The following FOXP2 variants were observed in gnomAD, a reference collection of about 807,000 sequenced individuals.
FOXP2 encodes the protein forkhead box protein P2.
Under a neutral mutation model 115.8 loss-of-function variants are expected in FOXP2, and 12 were observed. The ratio of observed to expected loss-of-function variants is 0.10; its 90% CI spans 0.07 to 0.17. The LOEUF (loss-of-function observed/expected upper bound fraction) is 0.17, where lower values mean the gene tolerates loss of function less well. Ranked by LOEUF, FOXP2 falls within the 10% of genes least tolerant of loss-of-function variation. The pLI is 1.00. For missense variants in FOXP2, 629 were observed against 843.5 expected, an observed-to-expected ratio of 0.75 and a Z score of 3.15; for synonymous variants, 328 against 297.7, an observed-to-expected ratio of 1.10 and a Z score of -1.05.
chr7:114,203,873 A>G (rs2129160166), intron 1 of FOXP2, among the ~76,000 whole-genome samples: 1 of 152,282 alleles, frequency 6.6e-6, no homozygotes, highest in Admixed American at 6.5e-5. Context: ...CCATAAATAG[A>G]AAAACTACAT....
intron 1 of FOXP2, among the ~76,000 whole-genome samples, chr7:114,092,710 T>A (rs146104693): frequency 1.7e-3 from 254 of 152,146 alleles, no homozygotes; most frequent in African/African-American, 5.6e-3. Flanking sequence ...CTCATTTTTT[T>A]TTAAAAAAAG....
At chr7:114,520,631 T>G (rs1478047019) in intron 2 of FOXP2, among the ~76,000 whole-genome samples, 1 of 151,996 alleles carries the variant, frequency 6.6e-6, no homozygotes, top group Non-Finnish European at 1.5e-5. Context: ...TAATTCTAAG[T>G]GAAAATACAA....
chr7:114,260,179 C>T (rs1795713773), intron 1 of FOXP2, among the ~76,000 whole-genome samples: 1 of 150,820 alleles, frequency 6.6e-6, no homozygotes, highest in Non-Finnish European at 1.5e-5. Context: ...ATGTGAGCCA[C>T]TGCGCCCAGC....
chr7:114,467,817 T>A (rs1239212071), intron 2 of FOXP2, among the ~76,000 whole-genome samples: 1 of 152,200 alleles, frequency 6.6e-6, no homozygotes. Context: ...GTAGAAAGCA[T>A]TGACATTTGG....
At chr7:114,494,324 G>C (rs991870456) in intron 2 of FOXP2, among the ~76,000 whole-genome samples, 4 of 152,126 alleles carry the variant, frequency 2.6e-5, no homozygotes, top group African/African-American at 9.7e-5. Context: ...CTATGATACT[G>C]TTGAACCAGT....
intron 2 of FOXP2, among the ~76,000 whole-genome samples, chr7:114,330,500 GTA>G (rs1157497390): frequency 2.3e-4 from 34 of 146,930 alleles, no homozygotes; most frequent in Admixed American, 1.2e-3. Context: ...ATATATATGT[GTA>G]TATATATATA....
At chr7:114,278,379 G>A (rs977831167) in intron 1 of FOXP2, among the ~76,000 whole-genome samples, 1 of 149,518 alleles carries the variant, frequency 6.7e-6, no homozygotes, top group African/African-American at 2.5e-5. Context: ...TTTTTGAGAT[G>A]GAGTCTCACT....
At chr7:114,226,865 G>T (rs908658072) in intron 1 of FOXP2, among the ~76,000 whole-genome samples, 5 of 151,854 alleles carry the variant, frequency 3.3e-5, no homozygotes, top group African/African-American at 1.2e-4. Context: ...ATTTTTGCTT[G>T]ACTCAACCAA....
intron 1 of FOXP2, among the ~76,000 whole-genome samples, chr7:114,203,094 C>T (rs1005641175): frequency 6.6e-6 from 1 of 152,236 alleles, no homozygotes; most frequent in Middle Eastern, 3.2e-3. Context: ...CATCCAGATC[C>T]TCTTTCCTCT....
chr7:114,087,114 C>A (rs1053558413), upstream of FOXP2, among the ~76,000 whole-genome samples: 6 of 152,052 alleles, frequency 3.9e-5, no homozygotes, highest in African/African-American at 1.4e-4. Flanking sequence ...GTTAGAAGCA[C>A]ACACTTTATT....
In FOXP2 at chr7:114,583,103, C is replaced by T. The variant is rs960258682; in HGVS notation, c.259-45437C>T. On this transcript the variant is annotated intron_variant, in intron 3 of 16. Coordinates refer to ENST00000350908, the MANE Select transcript of FOXP2 (RefSeq NM_014491.4). ...GTTGAAAAACTTTGCTTTGCCCAGG[C>T]GTGGTGGCTCACACCTGTAATCCCA... 3.9e-5 allele frequency among the ~76,000 whole-genome samples: 6 copies of T among 152,142 alleles called. 1 individual carries two copies. The highest frequency in any genetic ancestry group is 2.0e-4 in the Admixed American group (3 of 15,276).
At chr7:114,477,748 C>T (rs1324206518) in intron 2 of FOXP2, among the ~76,000 whole-genome samples, 2 of 151,692 alleles carry the variant, frequency 1.3e-5, no homozygotes, top group Non-Finnish European at 2.9e-5. Context: ...TAGATTGTAG[C>T]TCATAAGTAG....
At chr7:114,328,233 CTTTTTTTTT>C (rs1193894946) in intron 2 of FOXP2, among the ~76,000 whole-genome samples, 2 of 129,596 alleles carry the variant, frequency 1.5e-5, no homozygotes, top group South Asian at 4.8e-4. Context: ...CTTTTCTTTT[CTTTTTTTTT>C]TTTTTTTTTT....
At chr7:114,430,980 C>T (rs1476535) in intron 2 of FOXP2, among the ~76,000 whole-genome samples, 91,808 of 151,648 alleles carry the variant, frequency 0.61, 28,871 homozygotes, top group African/African-American at 0.78. Context: ...TCTATTAACA[C>T]TTTTTTCATA....
chr7:114,386,813 A>C (rs1270655985), intron 2 of FOXP2, among the ~76,000 whole-genome samples: 1 of 152,232 alleles, frequency 6.6e-6, no homozygotes, highest in Non-Finnish European at 1.5e-5. Context: ...TAATTATTCA[A>C]TGACATTTAG....
At chr7:114,135,302 A>T (rs1053859583) in intron 1 of FOXP2, among the ~76,000 whole-genome samples, 2 of 152,164 alleles carry the variant, frequency 1.3e-5, no homozygotes, top group Non-Finnish European at 2.9e-5. Flanking sequence ...ATTTTTTTCA[A>T]GTTAAGACTA....
intron 1 of FOXP2, among the ~76,000 whole-genome samples, chr7:114,268,120 C>A (rs778583321): frequency 6.6e-6 from 1 of 152,140 alleles, no homozygotes; most frequent in Non-Finnish European, 1.5e-5. Context: ...TCCATGTAAA[C>A]AAGCATCAGG....
At chr7:114,159,434 CTCTT>C (rs138779077), upstream of FOXP2, among the ~76,000 whole-genome samples, 2,281 of 151,684 alleles carry the variant, frequency 0.015, 69 homozygotes, top group African/African-American at 0.053. Context: ...AGAATGGAAT[CTCTT>C]TCATTCTAAT....
intron 1 of FOXP2, among the ~76,000 whole-genome samples, chr7:114,229,665 G>T (rs1794825058): frequency 6.6e-6 from 1 of 150,932 alleles, no homozygotes; most frequent in African/African-American, 2.4e-5. Flanking sequence ...CACAGAAAAT[G>T]GAAAGAAATG....
Sources: gnomAD v4.1 joint callset for allele counts (sites outside exome capture counted in the v4.1 genomes callset) on GRCh38, gnomAD v4.1.1 for gene constraint, MANE v1.5 for transcripts, NCBI Gene and HGNC (gene_info 2026-07-23, HGNC 2026-07-21) for gene names.